GRM7: variants seen among roughly 807,000 people sequenced by gnomAD.
GRM7 encodes glutamate metabotropic receptor 7, also known as metabotropic glutamate receptor 7.
A neutral mutation model predicts 84.5 loss-of-function variants in GRM7; 35 were observed. The observed-to-expected ratio is 0.41, with a 90% confidence interval of 0.32 to 0.55. GRM7 has a LOEUF of 0.55. Ranked by LOEUF, GRM7 falls within the 20% of genes least tolerant of loss-of-function variation. GRM7 has a pLI of 0.19. For synonymous variants in GRM7, 487 were observed against 455.1 expected (o/e 1.07, Z -0.89); for missense variants, 1,003 against 1,194.6 (o/e 0.84, Z 2.36).
intron 1 of GRM7, among the ~76,000 whole-genome samples, chr3:7,053,801 T>C (rs949324267): frequency 4.0e-5 from 6 of 151,406 alleles, no homozygotes; most frequent in Admixed American, 2.0e-4. Flanking sequence ...TGTAAGTCCT[T>C]CAATTTTATT....
chr3:7,485,402 C>T (rs1019119679), intron 7 of GRM7, among the ~76,000 whole-genome samples: 1 of 152,182 alleles, frequency 6.6e-6, no homozygotes, highest in African/African-American at 2.4e-5. Context: ...CTATTAGATT[C>T]ATCAAGTTGG....
intron 9 of GRM7, among the ~76,000 whole-genome samples, chr3:7,707,936 T>G (rs73809680): frequency 1.2e-4 from 17 of 144,866 alleles, no homozygotes; most frequent in African/African-American, 4.5e-4. Flanking sequence ...TTCAATTTTT[T>G]TTTTTTTTTT....
chr3:7,164,022 C>T (rs1466940354), intron 2 of GRM7, among the ~76,000 whole-genome samples: 28 of 152,076 alleles, frequency 1.8e-4, no homozygotes, highest in Admixed American at 1.7e-3. Flanking sequence ...TGCAAGGGAC[C>T]ATCTCACAGA....
intron 8 of GRM7, among the ~76,000 whole-genome samples, chr3:7,618,090 C>T (rs1426311778): frequency 6.6e-6 from 1 of 152,060 alleles, no homozygotes; most frequent in African/African-American, 2.4e-5. Context: ...AGGCTTAGCT[C>T]AGAGGCAGGC....
intron 7 of GRM7, among the ~76,000 whole-genome samples, chr3:7,537,178 C>G (rs1701274415): frequency 6.6e-6 from 1 of 152,164 alleles, no homozygotes; most frequent in Non-Finnish European, 1.5e-5. Flanking sequence ...ATACACACCT[C>G]TAAGCTTGGG....
chr3:7,246,291 G>A (rs181499736), intron 2 of GRM7, among the ~76,000 whole-genome samples: 236 of 152,162 alleles, frequency 1.6e-3, no homozygotes, highest in African/African-American at 5.4e-3. Flanking sequence ...CATCTACCTG[G>A]GAAGTACTAT....
chr3:7,649,008 GTC>G (rs1698799512), intron 8 of GRM7, among the ~76,000 whole-genome samples: 1 of 152,042 alleles, frequency 6.6e-6, no homozygotes, highest in South Asian at 2.1e-4. Flanking sequence ...AGCACTGTGT[GTC>G]TGCCAGATAG....
chr3:7,740,431 G>A lies in GRM7; in HGVS notation c.*25G>A. ...ACCTGTTCCATTCCATGGAACCATG[G>A]AGGAGGAAGACCCTCAGTTATTTTG... is the stretch of plus-strand genomic sequence containing the variant. On this transcript the variant is annotated 3_prime_UTR_variant, in exon 10 of 10. Coordinates refer to ENST00000357716, the MANE Select transcript of GRM7 (RefSeq NM_000844.4). The A allele has an allele frequency of 1.5e-6, 2 of 1,334,034 alleles. No homozygotes were observed. Among genetic ancestry groups the A allele is most frequent in the Non-Finnish European group, 2.1e-6 (2 of 949,288 alleles). The allele number at this position is 1,334,034 out of a possible 1,614,324, so 82.6% of individuals were successfully genotyped here.
At chr3:7,446,796 A>G (rs928885320) in intron 5 of GRM7, among the ~76,000 whole-genome samples, 3 of 152,016 alleles carry the variant, frequency 2.0e-5, no homozygotes, top group Non-Finnish European at 4.4e-5. Context: ...CAAATCCATT[A>G]TATCTTTCAT....
chr3:7,436,180 T>C (rs934353891), intron 5 of GRM7, among the ~76,000 whole-genome samples: 3 of 152,130 alleles, frequency 2.0e-5, no homozygotes, highest in African/African-American at 7.2e-5. Flanking sequence ...AAAATAACCT[T>C]TGTTTTCTTT....
chr3:7,317,996 A>C (rs1700642096), intron 4 of GRM7, among the ~76,000 whole-genome samples: 1 of 152,104 alleles, frequency 6.6e-6, no homozygotes, highest in East Asian at 1.9e-4. Flanking sequence ...AGAACAAGAA[A>C]GGGAGCCAAG....
At chr3:7,223,135 C>A (rs141976210) in intron 2 of GRM7, among the ~76,000 whole-genome samples, 6 of 151,954 alleles carry the variant, frequency 3.9e-5, no homozygotes, top group Admixed American at 2.0e-4. Flanking sequence ...GTTAACCTTG[C>A]CAATTATTTA....
intron 5 of GRM7, among the ~76,000 whole-genome samples, chr3:7,434,862 T>C (rs1696979172): frequency 6.6e-6 from 1 of 152,144 alleles, no homozygotes; most frequent in Admixed American, 6.6e-5. Flanking sequence ...TTCATGCATA[T>C]TTTAGTAATG....
intron 1 of GRM7, among the ~76,000 whole-genome samples, chr3:7,052,992 T>A (rs993190229): frequency 6.6e-6 from 1 of 151,254 alleles, no homozygotes; most frequent in Non-Finnish European, 1.5e-5. Flanking sequence ...AGTGGCTATA[T>A]TATTTTATAT....
intron 1 of GRM7, among the ~76,000 whole-genome samples, chr3:7,050,856 T>C (rs1696970707): frequency 6.6e-6 from 1 of 151,828 alleles, no homozygotes; most frequent in African/African-American, 2.4e-5. Context: ...TTCCCCACAG[T>C]GTTTGATTCA....
intron 9 of GRM7, among the ~76,000 whole-genome samples, chr3:7,733,957 A>G (rs573531173): frequency 8.5e-5 from 13 of 152,314 alleles, no homozygotes; most frequent in Admixed American, 2.6e-4. Flanking sequence ...AGACAAAATT[A>G]GTCTTTGTAA....
intron 8 of GRM7, among the ~76,000 whole-genome samples, chr3:7,663,548 T>C (rs557538388): frequency 6.6e-6 from 1 of 152,338 alleles, no homozygotes; most frequent in South Asian, 2.1e-4. Flanking sequence ...GTTTCCTTCA[T>C]ATATTGTTCA....
chr3:7,219,942 GC>G (rs1317799951), intron 2 of GRM7, among the ~76,000 whole-genome samples: 1 of 152,166 alleles, frequency 6.6e-6, no homozygotes, highest in Non-Finnish European at 1.5e-5. Flanking sequence ...TCAAAGGGAT[GC>G]AGGACCAACT....
chr3:7,675,099 A>AC (rs1700075322), intron 8 of GRM7, among the ~76,000 whole-genome samples: 1 of 152,236 alleles, frequency 6.6e-6, no homozygotes, highest in Admixed American at 6.5e-5. Flanking sequence ...TAGTATTCAT[A>AC]TATTGTTACA....
Sources: allele counts gnomAD v4.1 joint callset (sites outside exome capture counted in the v4.1 genomes callset), GRCh38; gene constraint gnomAD v4.1.1; transcripts MANE v1.5; gene names NCBI Gene and HGNC (gene_info 2026-07-23, HGNC 2026-07-21).